Variants in TAF3 observed in about 807,000 individuals in gnomAD.
TAF3 encodes transcription initiation factor TFIID subunit 3.
A neutral mutation model predicts 80.6 loss-of-function variants in TAF3; 7 were observed. That is an observed-to-expected ratio of 0.09 (90% CI 0.05 to 0.16). The LOEUF (loss-of-function observed/expected upper bound fraction) is 0.16, where lower values mean the gene tolerates loss of function less well. TAF3 is among the 10% of genes least tolerant of loss of function. The probability of loss-of-function intolerance (pLI) is 1.00; values close to 1 mark genes in which losing one functional copy is unlikely to be tolerated. For synonymous variants in TAF3, 444 were observed against 446.1 expected, an observed-to-expected ratio of 1.00 and a Z score of 0.06; for missense variants, 921 against 1,140.2, an observed-to-expected ratio of 0.81 and a Z score of 2.77.
chr10:7,824,179 T>C (rs1836718464), intron 1 of TAF3, 139 bp from the exon 2 acceptor site: 1 of 994,708 alleles, frequency 1.0e-6, no homozygotes, highest in Admixed American at 2.8e-5. Context: ...CTCTTTAAAA[T>C]CTATTAAATT....
chr10:7,920,332 ATGTGTGTGTGTG>A (rs1347512701), intron 2 of TAF3, among the ~76,000 whole-genome samples: 6 of 28,876 alleles, frequency 2.1e-4, no homozygotes, highest in Admixed American at 6.5e-4. Flanking sequence ...GTGTGTGTGT[ATGTGTGTGTGTG>A]TGTGTAAATG....
chr10:7,827,527 A>C (rs911253783), intron 2 of TAF3, among the ~76,000 whole-genome samples: 2 of 152,048 alleles, frequency 1.3e-5, no homozygotes, highest in Admixed American at 6.6e-5. Context: ...CACGCCTGTA[A>C]TCCCAGCACT....
intron 4 of TAF3, among the ~76,000 whole-genome samples, chr10:8,008,085 G>A (rs148940697): frequency 6.9e-6 from 1 of 145,330 alleles, no homozygotes; most frequent in African/African-American, 2.5e-5. Flanking sequence ...GCCCGTCTGG[G>A]AACAATCTTT....
At chr10:7,978,496 G>T (rs1831694207) in intron 4 of TAF3, among the ~76,000 whole-genome samples, 1 of 152,114 alleles carries the variant, frequency 6.6e-6, no homozygotes, top group African/African-American at 2.4e-5. Context: ...AAATTCTCTG[G>T]ATAATTTCCA....
At chr10:7,918,026 G>A (rs1837728264) in intron 2 of TAF3, among the ~76,000 whole-genome samples, 1 of 152,176 alleles carries the variant, frequency 6.6e-6, no homozygotes, top group African/African-American at 2.4e-5. Context: ...GCATTTGTTA[G>A]TTCTGTTTTG....
intron 2 of TAF3, among the ~76,000 whole-genome samples, chr10:7,925,798 CAAAA>C (rs375690990): frequency 1.4e-5 from 1 of 71,016 alleles, no homozygotes; most frequent in Non-Finnish European, 2.7e-5. Context: ...AACTCCATCT[CAAAA>C]AAAAAAAAAA....
Position 7,854,387 on chromosome 10 carries a change from C to T in TAF3, c.409+29827C>T, listed in dbSNP as rs188473854. On this transcript the variant is annotated intron_variant, in intron 2 of 6. Coordinates refer to ENST00000344293, the MANE Select transcript of TAF3 (RefSeq NM_031923.4). Reference sequence around the variant, plus strand: ...CCCCAAAACAATTTCTAGGTCCACACTGTTATGCGAGCCGCAGCGAGATAC... The same window carrying T: ...CCCCAAAACAATTTCTAGGTCCACATTGTTATGCGAGCCGCAGCGAGATAC... 2.7e-3 allele frequency among the ~76,000 whole-genome samples: 415 copies of T among 152,306 alleles called. 3 individuals carry two copies. Among genetic ancestry groups the T allele is most frequent in the Non-Finnish European group, 2.9e-3 (198 of 68,032 alleles).
intron 4 of TAF3, among the ~76,000 whole-genome samples, chr10:8,000,524 T>C (rs972614043): frequency 6.6e-6 from 1 of 151,762 alleles, no homozygotes; most frequent in African/African-American, 2.4e-5. Context: ...CTCAGCACTT[T>C]GGGAGGCCGA....
intron 2 of TAF3, among the ~76,000 whole-genome samples, chr10:7,902,656 G>A (rs1286564946): frequency 6.6e-6 from 1 of 152,022 alleles, no homozygotes; most frequent in African/African-American, 2.4e-5. Flanking sequence ...TCTATCGGAT[G>A]TTTTTCATGT....
intron 2 of TAF3, among the ~76,000 whole-genome samples, chr10:7,860,548 G>A (rs1588528136): frequency 6.6e-6 from 1 of 152,020 alleles, no homozygotes; most frequent in Non-Finnish European, 1.5e-5. Context: ...GTACTACTTG[G>A]TTGTCCAGAG....
intron 4 of TAF3, among the ~76,000 whole-genome samples, chr10:7,983,149 C>G (rs1831742431): frequency 6.6e-6 from 1 of 152,208 alleles, no homozygotes; most frequent in African/African-American, 2.4e-5. Flanking sequence ...CCTGGCCACT[C>G]AGGCTGTTGT....
At chr10:7,822,614 C>T (rs1443687270) in intron 1 of TAF3, among the ~76,000 whole-genome samples, 1 of 152,118 alleles carries the variant, frequency 6.6e-6, no homozygotes, top group Non-Finnish European at 1.5e-5. Flanking sequence ...AATATCCTTC[C>T]AGAGGTTTCT....
At chr10:7,999,460 T>A (rs1215540218) in intron 4 of TAF3, among the ~76,000 whole-genome samples, 1 of 146,504 alleles carries the variant, frequency 6.8e-6, no homozygotes, top group Non-Finnish European at 1.5e-5. Context: ...AGAAAGAAGT[T>A]TTTTTTTTTT....
chr10:7,922,734 A>C (rs989909664), intron 2 of TAF3, among the ~76,000 whole-genome samples: 1 of 152,092 alleles, frequency 6.6e-6, no homozygotes, highest in African/African-American at 2.4e-5. Flanking sequence ...TGCCAGTTTT[A>C]CATACTGGAA....
At chr10:7,971,360 T>C (rs979311782) in intron 3 of TAF3, among the ~76,000 whole-genome samples, 1 of 152,180 alleles carries the variant, frequency 6.6e-6, no homozygotes, top group African/African-American at 2.4e-5. Context: ...CAGTACTATT[T>C]GTGAGTTTTT....
chr10:7,960,776 T>C (rs1838182413), intron 2 of TAF3, among the ~76,000 whole-genome samples: 1 of 152,192 alleles, frequency 6.6e-6, no homozygotes, highest in Non-Finnish European at 1.5e-5. Context: ...AGAGGATTTT[T>C]GTATTTTAGA....
At chr10:7,979,171 CT>C (rs1404430208) in intron 4 of TAF3, among the ~76,000 whole-genome samples, 1 of 151,520 alleles carries the variant, frequency 6.6e-6, no homozygotes, top group African/African-American at 2.4e-5. Context: ...GGTGAAACCC[CT>C]TCTCTACTAA....
chr10:7,970,656 C>T (rs1831613269), intron 3 of TAF3, among the ~76,000 whole-genome samples: 1 of 152,156 alleles, frequency 6.6e-6, no homozygotes, highest in African/African-American at 2.4e-5. Flanking sequence ...ACCTGTTTAA[C>T]CGCCATATTT....
intron 2 of TAF3, among the ~76,000 whole-genome samples, chr10:7,877,817 A>G (rs1837324233): frequency 6.6e-6 from 1 of 152,108 alleles, no homozygotes; most frequent in African/African-American, 2.4e-5. Flanking sequence ...TTTTTTAACC[A>G]CATGCTCAAT....
Sources: allele counts gnomAD v4.1 joint callset (sites outside exome capture counted in the v4.1 genomes callset), GRCh38; gene constraint gnomAD v4.1.1; transcripts MANE v1.5; gene names NCBI Gene and HGNC (gene_info 2026-07-23, HGNC 2026-07-21).